Variants in PCDHGA2 observed in about 807,000 individuals in gnomAD.
PCDHGA2 encodes the protein protocadherin gamma subfamily A, 2.
In PCDHGA2, 40 loss-of-function variants were observed where a neutral mutation model predicts 59.2. The observed-to-expected ratio is 0.68, with a 90% confidence interval of 0.52 to 0.88. PCDHGA2 has a LOEUF of 0.88. Ranked by LOEUF, PCDHGA2 falls within the 40% of genes least tolerant of loss-of-function variation. The probability of loss-of-function intolerance (pLI) is 0.00; values close to 1 mark genes in which losing one functional copy is unlikely to be tolerated. For synonymous variants in PCDHGA2, 560 were observed against 526.0 expected, an observed-to-expected ratio of 1.06 and a Z score of -0.89; for missense variants, 1,226 against 1,204.0, an observed-to-expected ratio of 1.02 and a Z score of -0.27.
chr5:141,421,160 A>T, intron 1 of PCDHGA2: 1 of 1,250,104 alleles, frequency 8.0e-7, no homozygotes, highest in Non-Finnish European at 1.1e-6. Flanking sequence ...CTAGGACTTC[A>T]TAGATACATA....
At chr5:141,382,125 GC>G (rs1470370841) in intron 1 of PCDHGA2, among the ~76,000 whole-genome samples, 1 of 151,872 alleles carries the variant, frequency 6.6e-6, no homozygotes, top group East Asian at 1.9e-4. Flanking sequence ...ACAGCACCTG[GC>G]CCCCCCTCTC....
At chr5:141,492,241 C>T (rs1351937353) in intron 1 of PCDHGA2, among the ~76,000 whole-genome samples, 1 of 152,186 alleles carries the variant, frequency 6.6e-6, no homozygotes, top group African/African-American at 2.4e-5. Flanking sequence ...TGCTGGCCAC[C>T]CCCACGGCCC....
In PCDHGA2 at chr5:141,489,180, CTGGGTCTACCT is replaced by C. The variant is rs906371381; in HGVS notation, c.2425-5623_2425-5613del. 6.3e-5 allele frequency: 79 copies of C among 1,259,748 alleles called. No individual in the cohort carries two copies. The African/African-American group carries it at 9.3e-4, about 15-fold the overall frequency. 78.0% of individuals were successfully genotyped at this position (1,259,748 alleles called of 1,614,324 possible). ...GACTTCAGCTGCTGCATTCCAAGCCCTGGGTCTACCTTGGAGACAGGACAGCACAGACTTAC... is the reference window on the plus strand; with the variant it reads ...GACTTCAGCTGCTGCATTCCAAGCCCTGGAGACAGGACAGCACAGACTTAC... On this transcript the variant is annotated intron_variant, in intron 1 of 3. Coordinates refer to ENST00000394576, the MANE Select transcript of PCDHGA2 (RefSeq NM_018915.4). This position sits in a 1 kb window ranked among gnomAD's most constrained non-coding sequence, Gnocchi z 4.5.
intron 1 of PCDHGA2, among the ~76,000 whole-genome samples, chr5:141,369,378 T>A (rs866878162): frequency 6.6e-6 from 1 of 151,988 alleles, no homozygotes; most frequent in Admixed American, 6.6e-5. Context: ...TTTGTAAAAG[T>A]TTTTCATTTG....
intron 1 of PCDHGA2, chr5:141,422,812 T>C: frequency 6.2e-7 from 1 of 1,614,206 alleles, no homozygotes; most frequent in South Asian, 1.1e-5. Context: ...GTTTCGAGAC[T>C]TAGAACTGAG....
intron 1 of PCDHGA2, chr5:141,345,386 C>A: frequency 6.2e-7 from 1 of 1,614,122 alleles, no homozygotes; most frequent in Non-Finnish European, 8.5e-7. Context: ...ACCCACCCAC[C>A]TTCCCTCATT....
chr5:141,408,667 C>T, intron 1 of PCDHGA2: 1 of 1,613,954 alleles, frequency 6.2e-7, no homozygotes, highest in Non-Finnish European at 8.5e-7. Flanking sequence ...TATCGCTTGA[C>T]CCTGCCACGG....
rs888389135 is a variant in PCDHGA2 at position 141,487,089 on chromosome 5, C to T, written c.2425-7718C>T. 12 of 1,613,882 alleles carry T rather than the reference C, an allele frequency of 7.4e-6. No individual in the cohort carries two copies. Among genetic ancestry groups the T allele is most frequent in the Non-Finnish European group, 1.0e-5 (12 of 1,179,768 alleles). On this transcript the variant is annotated intron_variant, in intron 1 of 3. Coordinates refer to ENST00000394576, the MANE Select transcript of PCDHGA2 (RefSeq NM_018915.4). The surrounding 1 kb of genome is among the most constrained non-coding windows in gnomAD (Gnocchi z 5.0). The stretch of plus-strand genomic sequence containing the variant: ...GCTGTTCCTATCCCAGCTGACCTCC[C>T]ACCACAGAAGCTGGTCATTGTGGTA...
chr5:141,346,155 G>T, intron 1 of PCDHGA2: 2 of 1,613,870 alleles, frequency 1.2e-6, no homozygotes, highest in Non-Finnish European at 1.7e-6. Flanking sequence ...CCTGGCCTTC[G>T]TCATCGTGCT....
chr5:141,360,829 G>C lies in PCDHGA2; in HGVS notation c.2424+19434G>C, dbSNP rs1467338981. On this transcript the variant is annotated intron_variant, in intron 1 of 3. Coordinates refer to ENST00000394576, the MANE Select transcript of PCDHGA2 (RefSeq NM_018915.4). The stretch of plus-strand genomic sequence containing the variant: ...TGGCACGACCCAAATCCGAATCAAA[G>C]TCACGGATGCCAACGATAACCCTCC... 11 of 1,613,980 alleles carry C rather than the reference G, an allele frequency of 6.8e-6. No homozygotes were observed. The South Asian group carries it at 1.2e-4, about 18-fold the overall frequency.
chr5:141,361,562 C>A (rs1348479180), intron 1 of PCDHGA2: 3 of 1,614,074 alleles, frequency 1.9e-6, no homozygotes, highest in East Asian at 2.2e-5. Flanking sequence ...CAAATCAGTG[C>A]CTCTGACCCT....
At position 141,490,118 on chromosome 5, in the gene PCDHGA2, T is replaced by G. The variant is rs1448768968; in HGVS notation, c.2425-4689T>G. The G allele has an allele frequency of 6.2e-7, 1 of 1,614,158 alleles. No individual in the cohort carries two copies. Among genetic ancestry groups the G allele is most frequent in the Non-Finnish European group, 8.5e-7 (1 of 1,180,048 alleles). On this transcript the variant is annotated intron_variant, in intron 1 of 3. Transcript: ENST00000394576. This position sits in a 1 kb window ranked among gnomAD's most constrained non-coding sequence, Gnocchi z 5.4. ...ACATCTGAGGCAGTGCGGAACCTCT[T>G]TGGCCTAGACCCTAGCAGTGGGGCA...
At chr5:141,354,514 A>G (rs1759561296) in intron 1 of PCDHGA2, among the ~76,000 whole-genome samples, 1 of 152,188 alleles carries the variant, frequency 6.6e-6, no homozygotes, top group South Asian at 2.1e-4. Flanking sequence ...TTTGCAAGGG[A>G]ATTGAAGCAT....
chr5:141,345,961 T>A (rs1253833564), intron 1 of PCDHGA2: 2 of 1,613,460 alleles, frequency 1.2e-6, no homozygotes, highest in Non-Finnish European at 1.7e-6. Flanking sequence ...CAGAGCCTCG[T>A]GGTGGCCGTC....
intron 1 of PCDHGA2, among the ~76,000 whole-genome samples, chr5:141,453,864 G>A (rs758778743): frequency 2.6e-5 from 4 of 152,192 alleles, no homozygotes; most frequent in Non-Finnish European, 5.9e-5. Context: ...GAAAATAACA[G>A]ATGAGCAAAA....
chr5:141,361,413 C>T (rs1294377498), intron 1 of PCDHGA2: 1 of 1,613,902 alleles, frequency 6.2e-7, no homozygotes, highest in African/African-American at 1.3e-5. Context: ...CAGCCACCGA[C>T]GGGGGCAAGC....
intron 1 of PCDHGA2, chr5:141,344,575 C>T: frequency 6.2e-7 from 1 of 1,613,998 alleles, no homozygotes; most frequent in Non-Finnish European, 8.5e-7. Flanking sequence ...TTCTCTCTGG[C>T]TGTGAATAGC....
intron 3 of PCDHGA2, among the ~76,000 whole-genome samples, chr5:141,509,722 C>A (rs919655821): frequency 5.9e-5 from 9 of 152,140 alleles, no homozygotes; most frequent in African/African-American, 2.2e-4. Flanking sequence ...CTGATGTCAC[C>A]TAGCTGTGGC....
At chr5:141,478,816 A>G in intron 1 of PCDHGA2, 1 of 1,450,826 alleles carries the variant, frequency 6.9e-7, no homozygotes, top group Non-Finnish European at 9.1e-7. Context: ...TATCACAACT[A>G]ACCAATCTTG....
Sources: gnomAD v4.1 joint callset for allele counts (sites outside exome capture counted in the v4.1 genomes callset) on GRCh38, gnomAD v4.1.1 for gene constraint, Gnocchi (gnomAD v3.1) non-coding constraint, MANE v1.5 for transcripts, NCBI Gene and HGNC (gene_info 2026-07-23, HGNC 2026-07-21) for gene names.